Variants in MEGF10 observed in about 807,000 individuals in gnomAD.
The protein encoded by MEGF10 is multiple epidermal growth factor-like domains protein 10.
Under a neutral mutation model 147.5 loss-of-function variants are expected in MEGF10, and 86 were observed. That is an observed-to-expected ratio of 0.58 (90% confidence interval 0.49 to 0.70). The LOEUF (loss-of-function observed/expected upper bound fraction) is 0.70, where lower values mean the gene tolerates loss of function less well. MEGF10 is among the 30% of genes least tolerant of loss of function. The pLI, the probability that MEGF10 is intolerant of heterozygous loss-of-function variation, is 0.00. For missense variants in MEGF10, 1,329 were observed against 1,487.3 expected, an observed-to-expected ratio of 0.89 and a Z score of 1.75; for synonymous variants, 478 against 525.5, an observed-to-expected ratio of 0.91 and a Z score of 1.24.
rs533266846 is a variant in MEGF10, at chr5:127,380,583, T to C, written c.412+10581T>C. Reference sequence around the variant, plus strand: ...CCCGGGCTGGAGTGCAGTGGCGCAATCTTGGCTCACTGCAACCCCCGCCTC... The same window carrying C: ...CCCGGGCTGGAGTGCAGTGGCGCAACCTTGGCTCACTGCAACCCCCGCCTC... On this transcript the variant is annotated intron_variant, in intron 5 of 24. Transcript: ENST00000503335. Among the ~76,000 whole-genome samples, 49 of 151,690 alleles carry C rather than the reference T, an allele frequency of 3.2e-4. No individual in the cohort carries two copies. The South Asian group carries it at 9.8e-3, about 30-fold the overall frequency.
At chr5:127,318,022 A>C (rs2126754979) in intron 1 of MEGF10, among the ~76,000 whole-genome samples, 1 of 152,322 alleles carries the variant, frequency 6.6e-6, no homozygotes, top group South Asian at 2.1e-4. Flanking sequence ...CTGAAAAACT[A>C]GTCAAAGTTA....
At chr5:127,338,001 C>G (rs369521753) in intron 2 of MEGF10, among the ~76,000 whole-genome samples, 1 of 152,032 alleles carries the variant, frequency 6.6e-6, no homozygotes, top group East Asian at 1.9e-4. Context: ...CATGGCTGTC[C>G]TATTGAAGCC....
At chr5:127,390,334 G>C (rs1763597470) in intron 5 of MEGF10, among the ~76,000 whole-genome samples, 1 of 151,828 alleles carries the variant, frequency 6.6e-6, no homozygotes, top group African/African-American at 2.4e-5. Context: ...CTGTCATCCA[G>C]GTTGGAGTTC....
At chr5:127,443,158 C>A in intron 19 of MEGF10, 32 bp downstream of exon 19, 1 of 1,595,160 alleles carries the variant, frequency 6.3e-7, no homozygotes, top group Non-Finnish European at 8.6e-7. Flanking sequence ...TGTAGCACTG[C>A]AGTATTGTGT....
intron 1 of MEGF10, among the ~76,000 whole-genome samples, chr5:127,324,069 C>T (rs1032358890): frequency 6.6e-6 from 1 of 152,036 alleles, no homozygotes; most frequent in African/African-American, 2.4e-5. Context: ...GTGAGAAGGG[C>T]TTACACAGGC....
intron 18 of MEGF10, 100 bp from the exon 19 acceptor site, chr5:127,442,898 C>T: frequency 1.5e-6 from 2 of 1,306,876 alleles, no homozygotes; most frequent in South Asian, 2.9e-5. Flanking sequence ...TAGGAATCCC[C>T]TGAAAGGACT....
rs1463087224 is a variant in MEGF10, at chr5:127,426,545, C to G, written c.1693+3773C>G. ...ATTTAGGCTGTGTCCTATGCTGCTTCTCCTACACCTCTGGACCTCTGGTAC... is the reference window on the plus strand; with the variant it reads ...ATTTAGGCTGTGTCCTATGCTGCTTGTCCTACACCTCTGGACCTCTGGTAC... On this transcript the variant is annotated intron_variant, in intron 13 of 24. Transcript: ENST00000503335. Among the ~76,000 whole-genome samples the G allele has an allele frequency of 2.0e-5, 3 of 152,180 alleles. No homozygotes were observed. In the East Asian group the frequency reaches 5.8e-4, roughly 29 times the overall value.
chr5:127,305,718 A>G (rs1168497863), intron 1 of MEGF10, among the ~76,000 whole-genome samples: 1 of 152,160 alleles, frequency 6.6e-6, no homozygotes, highest in Admixed American at 6.5e-5. Context: ...GGCAGTATGT[A>G]AATGCTGTTT....
the MEGF10 span, among the ~76,000 whole-genome samples, chr5:127,243,255 T>A: frequency 1.3e-5 from 2 of 152,200 alleles, no homozygotes; most frequent in African/African-American, 4.8e-5. Context: ...CAGCAGAGGT[T>A]AAATTTCATG....
At chr5:127,271,516 C>T in the MEGF10 span, among the ~76,000 whole-genome samples, 2 of 151,694 alleles carry the variant, frequency 1.3e-5, no homozygotes, top group Non-Finnish European at 1.5e-5. Flanking sequence ...TGTTTGTTTA[C>T]TCTGTTTGAT....
Position 127,457,466 on chromosome 5 carries a change from C to G in MEGF10, c.*148C>G, listed in dbSNP as rs1026836772. 2 of 782,774 alleles carry G rather than the reference C, an allele frequency of 2.6e-6. No homozygotes were observed. Among genetic ancestry groups the G allele is most frequent in the East Asian group, 5.4e-5 (2 of 37,082 alleles). 48.5% of individuals were successfully genotyped at this position (782,774 alleles called of 1,614,324 possible). A position where few individuals can be genotyped will look rare whatever the true frequency, so the allele number is the denominator to read the frequency against. ...TGAACCAGAAAGCTGAAAGCTGAGGCTGACACGGACTGTAGGTGCTTTTTG... is the reference window on the plus strand; with the variant it reads ...TGAACCAGAAAGCTGAAAGCTGAGGGTGACACGGACTGTAGGTGCTTTTTG... On this transcript the variant is annotated 3_prime_UTR_variant, in exon 25 of 25. Transcript: ENST00000503335.
intron 4 of MEGF10, among the ~76,000 whole-genome samples, chr5:127,343,718 A>AG (rs1382212205): frequency 2.0e-5 from 3 of 152,096 alleles, no homozygotes; most frequent in Non-Finnish European, 4.4e-5. Flanking sequence ...TGGGAGGCTA[A>AG]GGTGGGAGGA....
At chr5:127,284,998 A>C in the MEGF10 span, among the ~76,000 whole-genome samples, 2 of 152,238 alleles carry the variant, frequency 1.3e-5, no homozygotes, top group African/African-American at 4.8e-5. Context: ...AATTGAAAAA[A>C]TATCTCATAA....
At position 127,458,234 on chromosome 5, in the gene MEGF10, G is replaced by A. The variant is rs1433401302; in HGVS notation, c.*916G>A. The A allele has an allele frequency of 6.6e-6, 1 of 152,170 alleles. No homozygotes were observed. The highest frequency in any genetic ancestry group is 6.6e-5 in the Admixed American group (1 of 15,264). The allele number at this position is 152,170 out of a possible 1,614,324, so 9.4% of individuals were successfully genotyped here. A position where few individuals can be genotyped will look rare whatever the true frequency, so the allele number is the denominator to read the frequency against. On this transcript the variant is annotated 3_prime_UTR_variant, in exon 25 of 25. Coordinates refer to ENST00000503335, the MANE Select transcript of MEGF10 (RefSeq NM_001256545.2). ...TTGTAAATTTTAAATGCAAGATGAC[G>A]CTTACGTTCTGTAAACCATTAGTAA...
intron 13 of MEGF10, among the ~76,000 whole-genome samples, 194 bp from the exon 14 acceptor site, chr5:127,433,169 T>C (rs1467836717): frequency 6.6e-6 from 1 of 152,226 alleles, no homozygotes; most frequent in African/African-American, 2.4e-5. Context: ...CATGACTCCA[T>C]AGAAAATCGG....
chr5:127,309,947 C>CTCTTTCCT (rs1554088995), intron 1 of MEGF10, among the ~76,000 whole-genome samples: 13,787 of 90,290 alleles, frequency 0.15, 3,094 homozygotes, highest in Middle Eastern at 0.29. Context: ...TCCTTGCCAA[C>CTCTTTCCT]TCTTTCTTTC....
At chr5:127,361,632 T>C (rs759422711) in intron 4 of MEGF10, among the ~76,000 whole-genome samples, 40 of 152,276 alleles carry the variant, frequency 2.6e-4, no homozygotes, top group Middle Eastern at 3.4e-3. Context: ...TTTCAGAGTT[T>C]TCTTCTTTCA....
At chr5:127,423,742 C>T (rs1056208622) in intron 13 of MEGF10, among the ~76,000 whole-genome samples, 24 of 152,046 alleles carry the variant, frequency 1.6e-4, no homozygotes, top group African/African-American at 5.8e-4. Context: ...TTTCTTTTTA[C>T]TATGGCGTTA....
At chr5:127,399,846 A>G (rs867901820) in intron 7 of MEGF10, among the ~76,000 whole-genome samples, 12 of 152,184 alleles carry the variant, frequency 7.9e-5, no homozygotes, top group African/African-American at 2.9e-4. Flanking sequence ...TTTTCTCACC[A>G]TAAATCCACT....
Sources: gnomAD v4.1 joint callset for allele counts (sites outside exome capture counted in the v4.1 genomes callset) on GRCh38, gnomAD v4.1.1 for gene constraint, MANE v1.5 for transcripts, NCBI Gene and HGNC (gene_info 2026-07-23, HGNC 2026-07-21) for gene names.